Variants in DDX39A observed in about 807,000 individuals in gnomAD.
DDX39A encodes ATP-dependent RNA helicase DDX39A.
In DDX39A, 13 loss-of-function variants were observed where a neutral mutation model predicts 46.3. The observed-to-expected ratio is 0.28, with a 90% confidence interval of 0.18 to 0.45. The LOEUF (loss-of-function observed/expected upper bound fraction) is 0.45, where lower values mean the gene tolerates loss of function less well. Among genes scored for constraint, DDX39A ranks in the 20% least tolerant of loss-of-function variants. The pLI is 1.00. For missense variants in DDX39A, 352 were observed against 581.8 expected (o/e 0.61, Z 4.06); for synonymous variants, 234 against 224.6 (o/e 1.04, Z -0.38).
rs1976476506 is a variant in DDX39A, at chr19:14,409,616, G to A, written c.894C>T (p.Arg298=). Residue 298 remains arginine (R), a synonymous_variant, in exon 8 of 11, where the codon CGC becomes CGT. Transcript: ENST00000242776. The surrounding 1 kb of genome is among the most constrained non-coding windows in gnomAD (Gnocchi z 8.3). ...CGAGGAGCTGGGCCAGGGCCATGCAGCGCTGCACTGACTTGACGAAGATTA... is the reference window on the plus strand; with the variant it reads ...CGAGGAGCTGGGCCAGGGCCATGCAACGCTGCACTGACTTGACGAAGATTA... The part of the protein sequence containing the change: ...QVIIFVKSVQ[R]CMALAQLLVE... The A allele has an allele frequency of 6.2e-7, 1 of 1,611,424 alleles. No homozygotes were observed. Among genetic ancestry groups the A allele is most frequent in the African/African-American group, 1.3e-5 (1 of 74,892 alleles).
Position 14,409,666 on chromosome 19 carries a change from C to T in DDX39A, c.865-21G>A, listed in dbSNP as rs1432973458. 7.5e-6 allele frequency: 12 copies of T among 1,608,128 alleles called. No homozygotes were observed. The Admixed American group carries it at 1.7e-4, about 22-fold the overall frequency. On this transcript the variant is annotated intron_variant, in intron 7 of 10. Coordinates refer to ENST00000242776, the MANE Select transcript of DDX39A (RefSeq NM_005804.4). The surrounding 1 kb of genome is among the most constrained non-coding windows in gnomAD (Gnocchi z 8.3). ...ATCACCTGAGGGAAGGAGTGGCAGT[C>T]AGGGCCACACAGTCCCTGTGGCCCA...
chr19:14,413,040 C>G lies in DDX39A; in HGVS notation c.181G>C (p.Asp61His). The change falls in exon 2 of 11, where the codon GAC becomes CAC. Residue 61 changes from aspartate to histidine, a missense_variant. By Grantham distance (81) the Asp-to-His change is moderately conservative. Transcript: ENST00000242776. ...TCAGAAGGATGCTCAAAGCCACAGT[C>G]CACGATGGCCCGCAGGAGCTCCGGC... The part of the protein sequence containing the change: ...LKPELLRAIV[D>H]CGFEHPSEVQ... The G allele has an allele frequency of 6.2e-7, 1 of 1,614,162 alleles. No individual in the cohort carries two copies. The highest frequency in any genetic ancestry group is 8.5e-7 in the Non-Finnish European group (1 of 1,180,012).
At position 14,409,727 on chromosome 19, in the gene DDX39A, T is replaced by G; in HGVS notation, c.864+15A>C. Reference sequence around the variant, plus strand: ...GAAGGTCCTGAGCCCCAGGACAGGCTGATGGAAGTATCACCTGGTTAAACT... The same window carrying G: ...GAAGGTCCTGAGCCCCAGGACAGGCGGATGGAAGTATCACCTGGTTAAACT... On this transcript the variant is annotated intron_variant, in intron 7 of 10. Coordinates refer to ENST00000242776, the MANE Select transcript of DDX39A (RefSeq NM_005804.4). This position sits in a 1 kb window ranked among gnomAD's most constrained non-coding sequence, Gnocchi z 8.3. The G allele has an allele frequency of 1.2e-6, 2 of 1,614,112 alleles. No homozygotes were observed. Among genetic ancestry groups the G allele is most frequent in the South Asian group, 1.1e-5 (1 of 91,078 alleles).
chr19:14,411,502 T>A lies in DDX39A; in HGVS notation c.429+4A>T. Reference sequence around the variant, plus strand: ...CCTGGTCCAGTCTGGCCCGAGGGACTCACCTTGACGCTGGGCATGTACTTG... The same window carrying A: ...CCTGGTCCAGTCTGGCCCGAGGGACACACCTTGACGCTGGGCATGTACTTG... On this transcript the variant is annotated splice_donor_region_variant and intron_variant, in intron 4 of 10. Transcript: ENST00000242776. The surrounding 1 kb of genome is among the most constrained non-coding windows in gnomAD (Gnocchi z 4.1). The A allele has an allele frequency of 6.2e-7, 1 of 1,613,740 alleles. No homozygotes were observed. The highest frequency in any genetic ancestry group is 8.5e-7 in the Non-Finnish European group (1 of 1,179,622).
chr19:14,411,619 A>G lies in DDX39A; in HGVS notation c.337-21T>C, dbSNP rs759476302. 1 of 1,509,554 alleles carries G rather than the reference A, an allele frequency of 6.6e-7. No individual in the cohort carries two copies. Among genetic ancestry groups the G allele is most frequent in the Non-Finnish European group, 8.8e-7 (1 of 1,138,114 alleles). 93.5% of individuals were successfully genotyped at this position (1,509,554 alleles called of 1,614,324 possible). ...GTCACCTGGGAAGTGGCATAAGAAG[A>G]GGGCCTTACCTTAGGCAGTGTCCTA... On this transcript the variant is annotated intron_variant, in intron 3 of 10. Coordinates refer to ENST00000242776, the MANE Select transcript of DDX39A (RefSeq NM_005804.4). The surrounding 1 kb of genome is among the most constrained non-coding windows in gnomAD (Gnocchi z 4.1).
chr19:14,418,215 G>C (rs1177223360), intron 1 of DDX39A, among the ~76,000 whole-genome samples: 2 of 151,794 alleles, frequency 1.3e-5, no homozygotes, highest in African/African-American at 4.8e-5. Flanking sequence ...AACCGGGCTG[G>C]ACAGGATCTA....
chr19:14,411,380 A>G lies in DDX39A; in HGVS notation c.429+126T>C. ...TTCATCAGGCTTTTAAGGAGCAAAAACCACCGCAAACCTCAAAGGCAGCTG... is the reference window on the plus strand; with the variant it reads ...TTCATCAGGCTTTTAAGGAGCAAAAGCCACCGCAAACCTCAAAGGCAGCTG... On this transcript the variant is annotated intron_variant, in intron 4 of 10. Transcript: ENST00000242776. The surrounding 1 kb of genome is among the most constrained non-coding windows in gnomAD (Gnocchi z 4.1). 9.4e-7 allele frequency: 1 copy of G among 1,063,452 alleles called. No homozygotes were observed. The highest frequency in any genetic ancestry group is 1.4e-6 in the Non-Finnish European group (1 of 716,378). 65.9% of individuals were successfully genotyped at this position (1,063,452 alleles called of 1,614,324 possible).
Position 14,410,844 on chromosome 19 carries a change from C to T in DDX39A, c.613+145G>A, listed in dbSNP as rs1976557381. On this transcript the variant is annotated intron_variant, in intron 5 of 10. Coordinates refer to ENST00000242776, the MANE Select transcript of DDX39A (RefSeq NM_005804.4). The surrounding 1 kb of genome is among the most constrained non-coding windows in gnomAD (Gnocchi z 4.3). ...TCGGGCTCAGAAACAGCACATCCCT[C>T]TGCCAGCAGCAGAGCTTTCCCCAAG... The T allele has an allele frequency of 2.6e-6, 2 of 774,908 alleles. No homozygotes were observed. Among genetic ancestry groups the T allele is most frequent in the Middle Eastern group, 3.9e-4 (1 of 2,576 alleles). 48.0% of individuals were successfully genotyped at this position (774,908 alleles called of 1,614,324 possible).
chr19:14,408,841 T>A lies in DDX39A; in HGVS notation c.*95A>T. The A allele has an allele frequency of 1.3e-6, 2 of 1,490,474 alleles. No individual in the cohort carries two copies. The highest frequency in any genetic ancestry group is 1.8e-6 in the Non-Finnish European group (2 of 1,114,306). The allele number at this position is 1,490,474 out of a possible 1,614,324, so 92.3% of individuals were successfully genotyped here. On this transcript the variant is annotated 3_prime_UTR_variant, in exon 11 of 11. Transcript: ENST00000242776. ...GGCTTCCATAATAACAAGTTTATTC[T>A]CATACAATCTCTAGCTTCTCAACAG...
chr19:14,412,455 A>T lies in DDX39A; in HGVS notation c.336+96T>A, dbSNP rs1256555452. 2 of 1,495,728 alleles carry T rather than the reference A, an allele frequency of 1.3e-6. No individual in the cohort carries two copies. Among genetic ancestry groups the T allele is most frequent in the African/African-American group, 2.8e-5 (2 of 72,376 alleles). The allele number at this position is 1,495,728 out of a possible 1,614,324, so 92.7% of individuals were successfully genotyped here. Reference sequence around the variant, plus strand: ...GCAATCCTCCAGCCTCAGCTTCCCAAAGCACTGGGCTAACAGGTGTGAGCC... The same window carrying T: ...GCAATCCTCCAGCCTCAGCTTCCCATAGCACTGGGCTAACAGGTGTGAGCC... On this transcript the variant is annotated intron_variant, in intron 3 of 10. Coordinates refer to ENST00000242776, the MANE Select transcript of DDX39A (RefSeq NM_005804.4). This position sits in a 1 kb window ranked among gnomAD's most constrained non-coding sequence, Gnocchi z 4.4.
rs776840370 is a variant in DDX39A at position 14,410,197 on chromosome 19, C to T, written c.732+19G>A. 3.7e-6 allele frequency: 6 copies of T among 1,608,798 alleles called. No homozygotes were observed. Among genetic ancestry groups the T allele is most frequent in the Non-Finnish European group, 4.3e-6 (5 of 1,175,380 alleles). On this transcript the variant is annotated intron_variant, in intron 6 of 10. Transcript: ENST00000242776. This position sits in a 1 kb window ranked among gnomAD's most constrained non-coding sequence, Gnocchi z 4.3. ...AGGCCCCTGGGGAAGGCCAAAGCTGCCACTCTCGCCCTACTCACATCCTGC... is the reference window on the plus strand; with the variant it reads ...AGGCCCCTGGGGAAGGCCAAAGCTGTCACTCTCGCCCTACTCACATCCTGC...
rs1417930335 is a variant in DDX39A at position 14,412,726 on chromosome 19, G to A, written c.209-48C>T. 20 of 1,564,372 alleles carry A rather than the reference G, an allele frequency of 1.3e-5. No homozygotes were observed. Among genetic ancestry groups the A allele is most frequent in the East Asian group, 1.1e-4 (5 of 44,524 alleles). On this transcript the variant is annotated intron_variant, in intron 2 of 10. Transcript: ENST00000242776. This position sits in a 1 kb window ranked among gnomAD's most constrained non-coding sequence, Gnocchi z 4.4. ...GGGACGAGAACCTGGATGCACCCCC[G>A]TGCAGGATCCTCACCAGTTGACCGG... is the stretch of plus-strand genomic sequence containing the variant.
In DDX39A at chr19:14,411,390, AC is replaced by A; in HGVS notation, c.429+115del. ...TTTTAAGGAGCAAAAACCACCGCAA[AC>A]CTCAAAGGCAGCTGCCCCTGCCAAG... On this transcript the variant is annotated intron_variant, in intron 4 of 10. Coordinates refer to ENST00000242776, the MANE Select transcript of DDX39A (RefSeq NM_005804.4). This position sits in a 1 kb window ranked among gnomAD's most constrained non-coding sequence, Gnocchi z 4.1. The A allele has an allele frequency of 8.8e-7, 1 of 1,134,686 alleles. No homozygotes were observed. Among genetic ancestry groups the A allele is most frequent in the Non-Finnish European group, 1.3e-6 (1 of 769,948 alleles). 70.3% of individuals were successfully genotyped at this position (1,134,686 alleles called of 1,614,324 possible). A position where few individuals can be genotyped will look rare whatever the true frequency, so the allele number is the denominator to read the frequency against.
Position 14,410,032 on chromosome 19 carries a change from T to G in DDX39A, c.733-159A>C, listed in dbSNP as rs542357921. On this transcript the variant is annotated intron_variant, in intron 6 of 10. Coordinates refer to ENST00000242776, the MANE Select transcript of DDX39A (RefSeq NM_005804.4). This position sits in a 1 kb window ranked among gnomAD's most constrained non-coding sequence, Gnocchi z 4.3. ...TCGCTCAAAAGCTGGATGTAAGCTCTGGCCCGACTCAGGTGTGGACCAAGC... is the reference window on the plus strand; with the variant it reads ...TCGCTCAAAAGCTGGATGTAAGCTCGGGCCCGACTCAGGTGTGGACCAAGC... 5.8e-5 allele frequency: 65 copies of G among 1,121,546 alleles called. No individual in the cohort carries two copies. The East Asian group carries it at 1.5e-3, about 26-fold the overall frequency. 69.5% of individuals were successfully genotyped at this position (1,121,546 alleles called of 1,614,324 possible).
chr19:14,412,792 C>G lies in DDX39A; in HGVS notation c.209-114G>C. ...GCAATCAGAAGAGGCCGAGTCCGGA[C>G]AAGGCCACAGACACCTGCAGGGCTG... On this transcript the variant is annotated intron_variant, in intron 2 of 10. Coordinates refer to ENST00000242776, the MANE Select transcript of DDX39A (RefSeq NM_005804.4). This position sits in a 1 kb window ranked among gnomAD's most constrained non-coding sequence, Gnocchi z 4.4. 7.0e-7 allele frequency: 1 copy of G among 1,438,244 alleles called. No individual in the cohort carries two copies. The highest frequency in any genetic ancestry group is 2.3e-5 in the East Asian group (1 of 43,168). The allele number at this position is 1,438,244 out of a possible 1,614,324, so 89.1% of individuals were successfully genotyped here. A position where few individuals can be genotyped will look rare whatever the true frequency, so the allele number is the denominator to read the frequency against.
chr19:14,409,006 C>G lies in DDX39A; in HGVS notation c.1267+31G>C. The stretch of plus-strand genomic sequence containing the variant: ...AGGGCCGGGGGAGGAACCCTCTGCC[C>G]CAGACCCCTGGCCCTGCCCAAGGCA... On this transcript the variant is annotated intron_variant, in intron 10 of 10. Transcript: ENST00000242776. The surrounding 1 kb of genome is among the most constrained non-coding windows in gnomAD (Gnocchi z 8.3). The G allele has an allele frequency of 6.2e-7, 1 of 1,613,846 alleles. No homozygotes were observed. Among genetic ancestry groups the G allele is most frequent in the Non-Finnish European group, 8.5e-7 (1 of 1,179,798 alleles).
intron 1 of DDX39A, among the ~76,000 whole-genome samples, chr19:14,417,154 T>G (rs983340550): frequency 2.0e-5 from 3 of 151,648 alleles, no homozygotes; most frequent in Non-Finnish European, 4.4e-5. Context: ...GTAACCAGGG[T>G]AGGGGCGTGA....
intron 1 of DDX39A, among the ~76,000 whole-genome samples, chr19:14,417,110 T>C (rs1976839276): frequency 6.6e-6 from 1 of 151,932 alleles, no homozygotes. Flanking sequence ...TTAAGACCAG[T>C]AGCAGGGAAA....
Position 14,409,881 on chromosome 19 carries a change from G to A in DDX39A, c.733-8C>T. On this transcript the variant is annotated splice_polypyrimidine_tract_variant and splice_region_variant and intron_variant, in intron 6 of 10. Transcript: ENST00000242776. This position sits in a 1 kb window ranked among gnomAD's most constrained non-coding sequence, Gnocchi z 8.3. Reference sequence around the variant, plus strand: ...CACAAACACCTCCATGGGCTGTGTGGGAAGGGAGGTGGGAGGGGCGGGCAG... The same window carrying A: ...CACAAACACCTCCATGGGCTGTGTGAGAAGGGAGGTGGGAGGGGCGGGCAG... The A allele has an allele frequency of 1.2e-6, 2 of 1,613,688 alleles. No individual in the cohort carries two copies.
Sources: gnomAD v4.1 joint callset for allele counts (sites outside exome capture counted in the v4.1 genomes callset) on GRCh38, gnomAD v4.1.1 for gene constraint, Gnocchi (gnomAD v3.1) non-coding constraint, MANE v1.5 for transcripts, NCBI Gene and HGNC (gene_info 2026-07-23, HGNC 2026-07-21) for gene names.